The following STXBP4 variants were observed in gnomAD, a reference collection of about 807,000 sequenced individuals.
The protein encoded by STXBP4 is syntaxin binding protein 4, also known as syntaxin-binding protein 4.
STXBP4 carries 55 observed loss-of-function variants against 76.1 expected under a neutral mutation model. That is an observed-to-expected ratio of 0.72 (90% CI 0.58 to 0.91). The LOEUF is 0.91. Ranked by LOEUF, STXBP4 falls within the 40% of genes least tolerant of loss-of-function variation. The probability of loss-of-function intolerance (pLI) is 0.00; values close to 1 mark genes in which losing one functional copy is unlikely to be tolerated. For missense variants in STXBP4, 618 were observed against 636.9 expected (o/e 0.97, Z 0.32); for synonymous variants, 201 against 220.2 (o/e 0.91, Z 0.77).
chr17:55,125,306 A>G (rs1225462269), intron 16 of STXBP4, among the ~76,000 whole-genome samples: 2 of 152,026 alleles, frequency 1.3e-5, no homozygotes, highest in African/African-American at 4.8e-5. Context: ...AAGCTCTGAA[A>G]CCATTTTTGG....
intron 1 of STXBP4, among the ~76,000 whole-genome samples, chr17:54,984,896 CT>C (rs952713196): frequency 1.4e-4 from 19 of 134,638 alleles, no homozygotes; most frequent in Non-Finnish European, 2.8e-4. Flanking sequence ...ACCCAACCAT[CT>C]TTTTTTTATC....
intron 7 of STXBP4, among the ~76,000 whole-genome samples, chr17:55,002,048 A>G (rs2077929689): frequency 6.6e-6 from 1 of 152,156 alleles, no homozygotes; most frequent in Non-Finnish European, 1.5e-5. Flanking sequence ...GAGTTATATT[A>G]CCTTTTACTT....
chr17:55,103,262 A>T (rs2079587877), intron 16 of STXBP4, among the ~76,000 whole-genome samples: 1 of 152,078 alleles, frequency 6.6e-6, no homozygotes, highest in Admixed American at 6.5e-5. Context: ...TTATGATTTT[A>T]TGTCTTATAT....
chr17:55,130,259 C>A (rs533876309), intron 16 of STXBP4, among the ~76,000 whole-genome samples: 5 of 152,334 alleles, frequency 3.3e-5, no homozygotes, highest in Non-Finnish European at 5.9e-5. Context: ...ACCTACAGAA[C>A]TTTCAAGAAC....
At chr17:55,100,707 A>G (rs532391562) in intron 16 of STXBP4, among the ~76,000 whole-genome samples, 6 of 152,284 alleles carry the variant, frequency 3.9e-5, no homozygotes, top group Admixed American at 2.0e-4. Flanking sequence ...GGTTTCCATG[A>G]TTCCTGTTTC....
Position 55,159,817 on chromosome 17 carries a change from C to T in STXBP4, c.1568C>T (p.Ser523Phe). The change falls in exon 18 of 18, where the codon TCC (serine) becomes TTC (phenylalanine). Residue 523 changes from serine (S) to phenylalanine (F), a missense_variant. By Grantham distance (155) the Ser-to-Phe change is radical. Coordinates refer to ENST00000376352, the MANE Select transcript of STXBP4 (RefSeq NM_178509.6). ...YFINHVTQTTSWIHPVMSVLN... is the reference protein window; with the variant it reads ...YFINHVTQTTFWIHPVMSVLN... ...TCAAGTCATGTAACACAGACTACAT[C>T]CTGGATCCATCCCGTGATGAGTGTC... 1 of 1,612,882 alleles carries T rather than the reference C, an allele frequency of 6.2e-7. No homozygotes were observed. The highest frequency in any genetic ancestry group is 8.5e-7 in the Non-Finnish European group (1 of 1,179,064).
intron 12 of STXBP4, 49 bp downstream of exon 12, chr17:55,047,203 TGTGTG>T: frequency 9.4e-7 from 1 of 1,064,712 alleles, no homozygotes; most frequent in South Asian, 1.5e-5. Context: ...TGTGTGTGTG[TGTGTG>T]TGTGTGTGTG....
chr17:55,012,322 G>A (rs1307016639), intron 8 of STXBP4, among the ~76,000 whole-genome samples: 3 of 152,102 alleles, frequency 2.0e-5, no homozygotes, highest in Admixed American at 1.3e-4. Context: ...GAGTACTGGG[G>A]CTTTGTTTCC....
chr17:54,999,422 A>G lies in STXBP4; in HGVS notation c.258A>G (p.Ala86=), dbSNP rs762455511. 7.4e-6 allele frequency: 12 copies of G among 1,612,834 alleles called. No individual in the cohort carries two copies. Among genetic ancestry groups the G allele is most frequent in the Non-Finnish European group, 1.0e-5 (12 of 1,179,590 alleles). The change falls in exon 5 of 18, where the codon GCA becomes GCG. Residue 86 remains alanine, a synonymous_variant. Coordinates refer to ENST00000376352, the MANE Select transcript of STXBP4 (RefSeq NM_178509.6). ...ESMIGVSFEE[A]KSIITGAKLR... is the part of the protein sequence containing the mutation. ...TGATTGGTGTATCATTTGAAGAAGC[A>G]AAAAGCATAATTACCGGAGCCAAGT...
rs1365056402 is a variant in STXBP4 at position 55,100,486 on chromosome 17, A to G, written c.1489+19303A>G. Among the ~76,000 whole-genome samples, 4 of 152,260 alleles carry G rather than the reference A, an allele frequency of 2.6e-5. 1 individual carries two copies. The highest frequency in any genetic ancestry group is 5.9e-5 in the Non-Finnish European group (4 of 68,050). ...GATGAACTTACATGTTTAAACAAAT[A>G]TACAAAAGATGGACAAAGAAACAAC... On this transcript the variant is annotated intron_variant, in intron 16 of 17. Coordinates refer to ENST00000376352, the MANE Select transcript of STXBP4 (RefSeq NM_178509.6).
At chr17:55,195,687 T>C in the STXBP4 span, among the ~76,000 whole-genome samples, 22 of 152,206 alleles carry the variant, frequency 1.4e-4, no homozygotes, top group Non-Finnish European at 7.4e-5. Context: ...CCTCCCATCC[T>C]GGCCTTTCAA....
chr17:55,054,104 A>T (rs181784026), intron 12 of STXBP4, among the ~76,000 whole-genome samples: 2 of 152,300 alleles, frequency 1.3e-5, no homozygotes, highest in Admixed American at 6.5e-5. Flanking sequence ...TGAATAAGTA[A>T]TCTAAGGCTA....
chr17:55,152,168 T>C (rs1030458243), intron 17 of STXBP4, among the ~76,000 whole-genome samples: 4 of 152,182 alleles, frequency 2.6e-5, no homozygotes, highest in Non-Finnish European at 4.4e-5. Flanking sequence ...GATATGACAA[T>C]AGTAATGTAT....
chr17:55,162,536 C>T lies in STXBP4; in HGVS notation c.*2625C>T, dbSNP rs892941229. 6.6e-6 allele frequency: 1 copy of T among 150,410 alleles called. No homozygotes were observed. The highest frequency in any genetic ancestry group is 1.5e-5 in the Non-Finnish European group (1 of 67,834). The allele number at this position is 150,410 out of a possible 1,614,324, so 9.3% of individuals were successfully genotyped here. On this transcript the variant is annotated 3_prime_UTR_variant, in exon 18 of 18. Coordinates refer to ENST00000376352, the MANE Select transcript of STXBP4 (RefSeq NM_178509.6). Reference sequence around the variant, plus strand: ...ACACTGTGGTGAAGTAGAACAATTGCTAATCATTTCCTGGGTTCCACTTAC... The same window carrying T: ...ACACTGTGGTGAAGTAGAACAATTGTTAATCATTTCCTGGGTTCCACTTAC...
rs2080415673 is a variant in STXBP4 at position 55,173,142 on chromosome 17, C to T, written c.*13231C>T. On this transcript the variant is annotated 3_prime_UTR_variant, in exon 18 of 18. Coordinates refer to ENST00000376352, the MANE Select transcript of STXBP4 (RefSeq NM_178509.6). ...CAATGAGATTTGTTTCATTGTTTTG[C>T]CTTGTTTTGTCATTGAGTTGTTATA... 6.6e-6 allele frequency: 1 copy of T among 152,094 alleles called. No individual in the cohort carries two copies. The highest frequency in any genetic ancestry group is 2.4e-5 in the African/African-American group (1 of 41,406). The allele number at this position is 152,094 out of a possible 1,614,324, so 9.4% of individuals were successfully genotyped here. A position where few individuals can be genotyped will look rare whatever the true frequency, so the allele number is the denominator to read the frequency against.
chr17:55,011,727 G>A (rs1001725815), intron 8 of STXBP4, among the ~76,000 whole-genome samples: 7 of 151,860 alleles, frequency 4.6e-5, no homozygotes, highest in South Asian at 2.1e-4. Flanking sequence ...TACCTGATTC[G>A]TCGGGTGTGA....
At chr17:55,123,773 G>A (rs977572458) in intron 16 of STXBP4, among the ~76,000 whole-genome samples, 2 of 151,902 alleles carry the variant, frequency 1.3e-5, no homozygotes, top group Admixed American at 6.6e-5. Context: ...GGTGGCCCGC[G>A]CCTATAGTCC....
At position 55,084,318 on chromosome 17, in the gene STXBP4, TG is replaced by T. The variant is rs1196984705; in HGVS notation, c.1489+3136del. Among the ~76,000 whole-genome samples the T allele has an allele frequency of 1.3e-4, 20 of 152,354 alleles. 1 individual carries two copies. The South Asian group carries it at 2.5e-3, about 19-fold the overall frequency. ...CTGTTCATGTCCTTTGCCCACTTTT[TG>T]ATGGGGTTGTTTGCTTTTTTCTTGT... is the stretch of plus-strand genomic sequence containing the variant. On this transcript the variant is annotated intron_variant, in intron 16 of 17. Transcript: ENST00000376352.
At chr17:55,055,450 A>C (rs957132011) in intron 12 of STXBP4, among the ~76,000 whole-genome samples, 2 of 152,182 alleles carry the variant, frequency 1.3e-5, no homozygotes, top group Non-Finnish European at 2.9e-5. Flanking sequence ...CTAAGCCGCC[A>C]TCAGGTCCCA....
Sources: gnomAD v4.1 joint callset for allele counts (sites outside exome capture counted in the v4.1 genomes callset) on GRCh38, gnomAD v4.1.1 for gene constraint, MANE v1.5 for transcripts, NCBI Gene and HGNC (gene_info 2026-07-23, HGNC 2026-07-21) for gene names.